The following LRRTM4 variants were observed in gnomAD, a reference collection of about 807,000 sequenced individuals.
LRRTM4 encodes leucine-rich repeat transmembrane neuronal protein 4.
Under a neutral mutation model 47.6 loss-of-function variants are expected in LRRTM4, and 25 were observed. That is an observed-to-expected ratio of 0.53 (90% CI 0.38 to 0.73). The LOEUF is 0.73. LRRTM4 is among the 30% of genes least tolerant of loss of function. The pLI, the probability that LRRTM4 is intolerant of heterozygous loss-of-function variation, is 0.00. For missense variants in LRRTM4, 638 were observed against 713.4 expected (o/e 0.89, Z 1.20); for synonymous variants, 311 against 269.5 (o/e 1.15, Z -1.51).
chr2:77,114,795 G>A (rs893466400), intron 3 of LRRTM4, among the ~76,000 whole-genome samples: 1 of 152,164 alleles, frequency 6.6e-6, no homozygotes, highest in African/African-American at 2.4e-5. Context: ...TTTAAAAGGG[G>A]AGGGGGTGTA....
chr2:77,247,627 G>T (rs183957357), intron 3 of LRRTM4, among the ~76,000 whole-genome samples: 403 of 152,050 alleles, frequency 2.7e-3, no homozygotes, highest in Non-Finnish European at 4.5e-3. Flanking sequence ...TCATAACTTA[G>T]TTGCTCACCA....
At chr2:76,850,851 G>C (rs1175529878) in intron 3 of LRRTM4, among the ~76,000 whole-genome samples, 1 of 152,200 alleles carries the variant, frequency 6.6e-6, no homozygotes, top group African/African-American at 2.4e-5. Flanking sequence ...AGGGAAAATA[G>C]AAAAACTAGA....
chr2:77,192,357 A>G (rs1467906814), intron 3 of LRRTM4, among the ~76,000 whole-genome samples: 1 of 152,058 alleles, frequency 6.6e-6, no homozygotes, highest in Non-Finnish European at 1.5e-5. Context: ...GAATTTTACC[A>G]TAATGAGCAA....
intron 3 of LRRTM4, among the ~76,000 whole-genome samples, chr2:76,966,927 C>CCATTT (rs1676045488): frequency 6.6e-6 from 1 of 151,044 alleles, no homozygotes; most frequent in Admixed American, 6.6e-5. Flanking sequence ...CTTAAGGTAC[C>CCATTT]CATTCAGCCC....
At chr2:77,416,350 C>G (rs1674634276) in intron 3 of LRRTM4, among the ~76,000 whole-genome samples, 1 of 151,946 alleles carries the variant, frequency 6.6e-6, no homozygotes, top group African/African-American at 2.4e-5. Context: ...CATTTTGCAA[C>G]AAATATTATT....
chr2:77,161,462 G>C (rs1472828900), intron 3 of LRRTM4, among the ~76,000 whole-genome samples: 1 of 152,140 alleles, frequency 6.6e-6, no homozygotes, highest in Non-Finnish European at 1.5e-5. Context: ...GTTGCCTTGT[G>C]ATAATTAAAC....
At chr2:76,765,203 G>A (rs1208366466) in intron 3 of LRRTM4, among the ~76,000 whole-genome samples, 2 of 152,162 alleles carry the variant, frequency 1.3e-5, no homozygotes, top group Admixed American at 6.5e-5. Context: ...GCATGTCACA[G>A]CATGATACTT....
chr2:77,046,144 GT>G (rs1353957886), intron 3 of LRRTM4, among the ~76,000 whole-genome samples: 2 of 151,896 alleles, frequency 1.3e-5, no homozygotes, highest in Admixed American at 1.3e-4. Flanking sequence ...TCACATCTTG[GT>G]TTGATTGCAG....
At chr2:76,835,153 T>G (rs558384711) in intron 3 of LRRTM4, among the ~76,000 whole-genome samples, 1 of 152,274 alleles carries the variant, frequency 6.6e-6, no homozygotes, top group East Asian at 1.9e-4. Context: ...GCAAGTCACC[T>G]AAATTCCCAA....
intron 3 of LRRTM4, among the ~76,000 whole-genome samples, chr2:77,282,962 A>T (rs1391270199): frequency 6.6e-6 from 1 of 152,020 alleles, no homozygotes; most frequent in Non-Finnish European, 1.5e-5. Context: ...GGTCCTCAAC[A>T]GCAATTGCAA....
intron 3 of LRRTM4, among the ~76,000 whole-genome samples, chr2:77,442,961 AGGT>A (rs1459393966): frequency 5.9e-5 from 9 of 152,142 alleles, no homozygotes. Flanking sequence ...ATCATTTTGT[AGGT>A]GCCTGAAACA....
intron 3 of LRRTM4, among the ~76,000 whole-genome samples, chr2:77,178,781 G>A (rs1236657184): frequency 6.6e-6 from 1 of 152,016 alleles, no homozygotes; most frequent in Non-Finnish European, 1.5e-5. Flanking sequence ...AAACTTTACA[G>A]CAAGGTCTTA....
At chr2:77,465,712 T>C (rs956200329) in intron 3 of LRRTM4, among the ~76,000 whole-genome samples, 1 of 152,206 alleles carries the variant, frequency 6.6e-6, no homozygotes, top group African/African-American at 2.4e-5. Context: ...GAAACACATA[T>C]GTTTCTGCCA....
At chr2:77,105,514 T>TG (rs1671071555) in intron 3 of LRRTM4, among the ~76,000 whole-genome samples, 1 of 35,046 alleles carries the variant, frequency 2.9e-5, no homozygotes, top group Non-Finnish European at 5.3e-5. Flanking sequence ...TGTTGTGGGG[T>TG]GGGGGGAGGG....
chr2:76,881,332 C>T (rs1337633923), intron 3 of LRRTM4, among the ~76,000 whole-genome samples: 1 of 152,084 alleles, frequency 6.6e-6, no homozygotes, highest in Non-Finnish European at 1.5e-5. Context: ...TTACTATTCA[C>T]ACATGGCCTA....
chr2:77,367,233 C>T (rs918472068), intron 3 of LRRTM4, among the ~76,000 whole-genome samples: 2 of 151,388 alleles, frequency 1.3e-5, no homozygotes, highest in South Asian at 2.1e-4. Context: ...AATGCCCCTC[C>T]TGCCCCCAAA....
intron 3 of LRRTM4, among the ~76,000 whole-genome samples, chr2:76,822,624 A>G (rs1176762251): frequency 6.6e-6 from 1 of 151,580 alleles, no homozygotes; most frequent in Non-Finnish European, 1.5e-5. Context: ...AAAAAATAAA[A>G]TACGCTAACC....
rs186954614 is a variant in LRRTM4, at chr2:77,360,976, G to T, written c.1551+157342C>A. ...CCCACCATTTATCCCAGACTAGGAT[G>T]AATCAAACCACTGTGCCTCTCTGTT... On this transcript the variant is annotated intron_variant, in intron 3 of 3. Coordinates refer to ENST00000409884, the MANE Select transcript of LRRTM4 (RefSeq NM_001134745.3). Among the ~76,000 whole-genome samples the T allele has an allele frequency of 1.7e-4, 26 of 152,100 alleles. No individual in the cohort carries two copies. In the East Asian group the frequency reaches 4.3e-3, roughly 25 times the overall value.
intron 3 of LRRTM4, among the ~76,000 whole-genome samples, chr2:76,815,122 AAAG>A (rs1164880425): frequency 6.6e-6 from 1 of 152,014 alleles, no homozygotes; most frequent in East Asian, 1.9e-4. Flanking sequence ...AAAAATAAGA[AAAG>A]AAATAAATAA....
Sources: allele counts gnomAD v4.1 joint callset (sites outside exome capture counted in the v4.1 genomes callset), GRCh38; gene constraint gnomAD v4.1.1; transcripts MANE v1.5; gene names NCBI Gene and HGNC (gene_info 2026-07-23, HGNC 2026-07-21).